The following MYT1L variants were observed in gnomAD, a reference collection of about 807,000 sequenced individuals.
MYT1L encodes the protein myelin transcription factor 1-like protein.
MYT1L carries 12 observed loss-of-function variants against 126.7 expected under a neutral mutation model. The observed-to-expected ratio is 0.09, with a 90% CI of 0.06 to 0.15. The LOEUF (loss-of-function observed/expected upper bound fraction) is 0.15, where lower values mean the gene tolerates loss of function less well. MYT1L is among the 10% of genes least tolerant of loss of function. The pLI is 1.00. For synonymous variants in MYT1L, 541 were observed against 604.2 expected, an observed-to-expected ratio of 0.90 and a Z score of 1.53; for missense variants, 979 against 1,585.2, an observed-to-expected ratio of 0.62 and a Z score of 6.49.
intron 18 of MYT1L, among the ~76,000 whole-genome samples, chr2:1,881,726 C>T (rs1313082203): frequency 6.6e-6 from 1 of 152,088 alleles, no homozygotes; most frequent in Non-Finnish European, 1.5e-5. Flanking sequence ...CTCAGCTCAG[C>T]TCCCTGTGCG....
intron 13 of MYT1L, among the ~76,000 whole-genome samples, chr2:1,906,043 T>C (rs1048329476): frequency 6.6e-5 from 10 of 152,224 alleles, no homozygotes; most frequent in Non-Finnish European, 1.0e-4. Context: ...ATTGTCTTGC[T>C]TTTTTATGAT....
chr2:1,892,422 C>T (rs999797748), intron 14 of MYT1L, 135 bp from the exon 15 acceptor site: 8 of 1,211,594 alleles, frequency 6.6e-6, no homozygotes, highest in South Asian at 3.4e-5. Context: ...CTGGGGCTTA[C>T]GCGTAAAGAA....
intron 11 of MYT1L, among the ~76,000 whole-genome samples, chr2:1,913,133 T>C (rs902837774): frequency 6.6e-6 from 1 of 152,180 alleles, no homozygotes; most frequent in African/African-American, 2.4e-5. Flanking sequence ...TTTTCCTCCT[T>C]CTCTAGAACA....
At chr2:1,975,926 G>C (rs913535313) in intron 8 of MYT1L, among the ~76,000 whole-genome samples, 1 of 152,034 alleles carries the variant, frequency 6.6e-6, no homozygotes, top group Non-Finnish European at 1.5e-5. Context: ...TCCTAAAAAA[G>C]AAAAATTGAT....
chr2:1,964,245 G>A (rs562146974), intron 8 of MYT1L, among the ~76,000 whole-genome samples: 177 of 152,306 alleles, frequency 1.2e-3, no homozygotes, highest in Middle Eastern at 3.4e-3. Context: ...TGTCTTACAC[G>A]GGCGCGGTTC....
intron 1 of MYT1L, among the ~76,000 whole-genome samples, chr2:2,302,583 C>A (rs141410821): frequency 1.3e-5 from 2 of 152,090 alleles, no homozygotes; most frequent in African/African-American, 4.8e-5. Flanking sequence ...ATTCCTGTGG[C>A]GGATGTCTGC....
chr2:2,103,969 A>G (rs1004893838), intron 3 of MYT1L, among the ~76,000 whole-genome samples: 22 of 152,320 alleles, frequency 1.4e-4, no homozygotes, highest in African/African-American at 5.3e-4. Flanking sequence ...GCCTCCCATG[A>G]TGGACTCACC....
intron 18 of MYT1L, among the ~76,000 whole-genome samples, chr2:1,880,242 C>T (rs756193907): frequency 6.6e-6 from 1 of 152,208 alleles, no homozygotes; most frequent in Non-Finnish European, 1.5e-5. Flanking sequence ...CTCTCTTCAG[C>T]AAACAATATG....
intron 4 of MYT1L, among the ~76,000 whole-genome samples, chr2:2,038,977 G>A (rs2067208558): frequency 1.3e-5 from 2 of 152,118 alleles, no homozygotes; most frequent in African/African-American, 4.8e-5. Flanking sequence ...ACTGGGTTGT[G>A]ACTGTTTAGC....
At chr2:1,993,776 C>T (rs550466616) in intron 5 of MYT1L, among the ~76,000 whole-genome samples, 9 of 152,296 alleles carry the variant, frequency 5.9e-5, no homozygotes, top group African/African-American at 2.2e-4. Flanking sequence ...ATGCTGGTTT[C>T]TGGAAGCGCT....
intron 1 of MYT1L, among the ~76,000 whole-genome samples, chr2:2,307,123 G>A (rs932423811): frequency 1.3e-5 from 2 of 152,072 alleles, no homozygotes; most frequent in African/African-American, 2.4e-5. Flanking sequence ...CAGTCCTCAC[G>A]GCAATATTTG....
At chr2:2,244,717 T>C (rs73913275) in intron 2 of MYT1L, among the ~76,000 whole-genome samples, 1 of 152,114 alleles carries the variant, frequency 6.6e-6, no homozygotes, top group Non-Finnish European at 1.5e-5. Context: ...AAACACAGAC[T>C]GACTTGATAA....
At chr2:2,176,934 T>C (rs554645502) in intron 2 of MYT1L, among the ~76,000 whole-genome samples, 2 of 152,334 alleles carry the variant, frequency 1.3e-5, no homozygotes, top group South Asian at 4.1e-4. Flanking sequence ...ACATGAATAA[T>C]CTATCCTCTA....
At chr2:2,003,114 T>A (rs1267115570) in intron 4 of MYT1L, among the ~76,000 whole-genome samples, 1 of 152,150 alleles carries the variant, frequency 6.6e-6, no homozygotes, top group Non-Finnish European at 1.5e-5. Context: ...AGCTTACAAC[T>A]GCTCCAAAAT....
At chr2:2,325,860 C>T (rs2096240774) in intron 1 of MYT1L, 1 of 152,232 alleles carries the variant, frequency 6.6e-6, no homozygotes, top group African/African-American at 2.4e-5. Flanking sequence ...CACGCCTAAC[C>T]AAGAGACTTT....
intron 11 of MYT1L, among the ~76,000 whole-genome samples, chr2:1,916,059 G>A (rs928893117): frequency 3.9e-5 from 6 of 152,254 alleles, no homozygotes; most frequent in African/African-American, 1.2e-4. Flanking sequence ...CACTCGCTCT[G>A]ATTTGTTTAT....
At chr2:1,831,698 T>G (rs564274103) in intron 21 of MYT1L, among the ~76,000 whole-genome samples, 6 of 152,310 alleles carry the variant, frequency 3.9e-5, no homozygotes, top group African/African-American at 1.4e-4. Context: ...TTCCCAGTAT[T>G]GTGTGTGTTC....
intron 3 of MYT1L, among the ~76,000 whole-genome samples, chr2:2,115,933 G>A (rs1391096357): frequency 1.3e-5 from 2 of 150,754 alleles, no homozygotes; most frequent in Non-Finnish European, 2.9e-5. Context: ...TGCAGTTGAG[G>A]AAGCTGAGGC....
intron 22 of MYT1L, among the ~76,000 whole-genome samples, chr2:1,805,503 G>A (rs1448053729): frequency 6.6e-6 from 1 of 152,238 alleles, no homozygotes; most frequent in African/African-American, 2.4e-5. Context: ...TATAATCCCA[G>A]CACTTTGGGA....
Sources: allele counts gnomAD v4.1 joint callset (sites outside exome capture counted in the v4.1 genomes callset), GRCh38; gene constraint gnomAD v4.1.1; transcripts MANE v1.5; gene names NCBI Gene and HGNC (gene_info 2026-07-23, HGNC 2026-07-21).